Variants in TENM2 observed in about 807,000 individuals in gnomAD.
TENM2 encodes teneurin-2.
TENM2 carries 52 observed loss-of-function variants against 245.2 expected under a neutral mutation model. That is an observed-to-expected ratio of 0.21 (90% CI 0.17 to 0.27). TENM2 has a LOEUF of 0.27. Among genes scored for constraint, TENM2 ranks in the 10% least tolerant of loss-of-function variants. TENM2 has a pLI of 1.00. For missense variants in TENM2, 3,046 were observed against 3,666.8 expected, an observed-to-expected ratio of 0.83 and a Z score of 4.37; for synonymous variants, 1,363 against 1,438.9, an observed-to-expected ratio of 0.95 and a Z score of 1.19.
the TENM2 span, among the ~76,000 whole-genome samples, chr5:166,993,744 T>C: frequency 2.0e-5 from 3 of 152,230 alleles, no homozygotes; most frequent in African/African-American, 7.2e-5. Context: ...TTTAAAGTTA[T>C]GCCAGGTGAT....
intron 3 of TENM2, among the ~76,000 whole-genome samples, chr5:167,930,834 A>T (rs989647532): frequency 6.6e-6 from 1 of 152,118 alleles, no homozygotes; most frequent in Non-Finnish European, 1.5e-5. Flanking sequence ...GCATTAAATG[A>T]CATTTAAACT....
chr5:167,024,751 C>A, the TENM2 span, among the ~76,000 whole-genome samples: 3 of 152,176 alleles, frequency 2.0e-5, no homozygotes, highest in Non-Finnish European at 4.4e-5. Context: ...GAAGATGAAG[C>A]TGAGAGTTAA....
At chr5:168,197,821 CT>C (rs1761583750) in intron 15 of TENM2, among the ~76,000 whole-genome samples, 2 of 151,954 alleles carry the variant, frequency 1.3e-5, no homozygotes, top group African/African-American at 2.4e-5. Context: ...CTTTATTCTA[CT>C]TTACAGGTAA....
intron 2 of TENM2, among the ~76,000 whole-genome samples, chr5:167,856,070 A>G (rs1353600591): frequency 1.3e-5 from 2 of 152,178 alleles, no homozygotes; most frequent in Non-Finnish European, 2.9e-5. Flanking sequence ...ACAGTCACTT[A>G]TTTCGACTTC....
intron 9 of TENM2, among the ~76,000 whole-genome samples, chr5:168,112,930 G>A (rs1198774673): frequency 1.3e-5 from 2 of 152,174 alleles, no homozygotes; most frequent in Non-Finnish European, 2.9e-5. Context: ...TGACTAACTG[G>A]GATATAAGGC....
At chr5:167,721,738 G>T (rs1024233262) in intron 2 of TENM2, among the ~76,000 whole-genome samples, 1 of 152,158 alleles carries the variant, frequency 6.6e-6, no homozygotes, top group Non-Finnish European at 1.5e-5. Context: ...CATCTGGAAA[G>T]TCCCTTTTGC....
chr5:167,432,200 A>AAAAC (rs1764296066), intron 2 of TENM2, among the ~76,000 whole-genome samples: 1 of 151,548 alleles, frequency 6.6e-6, no homozygotes, highest in Admixed American at 6.6e-5. Context: ...TTACCTCCAT[A>AAAAC]AAACAGCTCA....
rs749016436 is a variant in TENM2, at chr5:167,470,454, C to CTTTTTTTTTTTTTTTTTTTTTT, written c.502+94982_502+95003dup. 2.2e-3 allele frequency among the ~76,000 whole-genome samples: 104 copies of CTTTTTTTTTTTTTTTTTTTTTT among 47,392 alleles called. 15 individuals carry two copies. The highest frequency in any genetic ancestry group is 5.6e-3 in the East Asian group (7 of 1,254). 31.1% of individuals were successfully genotyped at this position (47,392 alleles called of 152,430 possible). The stretch of plus-strand genomic sequence containing the variant: ...TACAGAGAGGTATGGGCAATGCTTG[C>CTTTTTTTTTTTTTTTTTTTTTT]TTTTTTTTTTTTTTTTTTTTTTGCT... On this transcript the variant is annotated intron_variant, in intron 2 of 28. Coordinates refer to ENST00000518659, the Ensembl canonical transcript of TENM2.
chr5:167,298,621 C>A (rs550682590), intron 1 of TENM2, among the ~76,000 whole-genome samples: 2 of 152,144 alleles, frequency 1.3e-5, no homozygotes, highest in African/African-American at 2.4e-5. Flanking sequence ...AACAAACAAA[C>A]AAAAAACCCA....
At chr5:168,227,545 C>CTAAAA (rs1764326093) in intron 24 of TENM2, among the ~76,000 whole-genome samples, 1 of 144,084 alleles carries the variant, frequency 6.9e-6, no homozygotes, top group South Asian at 2.2e-4. Flanking sequence ...CTGGTATAAG[C>CTAAAA]TAAAATATAT....
the TENM2 span, among the ~76,000 whole-genome samples, chr5:167,099,142 T>C: frequency 6.6e-6 from 1 of 152,238 alleles, no homozygotes; most frequent in Non-Finnish European, 1.5e-5. Context: ...TACCGCTTAC[T>C]AGCTGTGTAA....
intron 10 of TENM2, among the ~76,000 whole-genome samples, chr5:168,118,851 C>T (rs567688017): frequency 1.1e-4 from 16 of 152,186 alleles, no homozygotes; most frequent in Admixed American, 4.6e-4. Flanking sequence ...TCCTTTCCCT[C>T]GCCCTATCTT....
the TENM2 span, among the ~76,000 whole-genome samples, chr5:167,180,069 G>C: frequency 6.9e-6 from 1 of 145,488 alleles, no homozygotes; most frequent in Non-Finnish European, 1.5e-5. Context: ...CCCACCTTCC[G>C]TTCCTCTCCA....
intron 9 of TENM2, among the ~76,000 whole-genome samples, chr5:168,117,915 C>T (rs1451557220): frequency 6.6e-6 from 1 of 152,204 alleles, no homozygotes; most frequent in Non-Finnish European, 1.5e-5. Context: ...TGGTTCCCAG[C>T]CGGGCTCCCC....
intron 6 of TENM2, among the ~76,000 whole-genome samples, chr5:168,052,796 G>A (rs1375398104): frequency 2.0e-5 from 3 of 151,698 alleles, no homozygotes; most frequent in South Asian, 2.1e-4. Context: ...TTTGTGCCTG[G>A]AGCACATTTC....
chr5:167,494,227 A>T (rs941997077), intron 2 of TENM2, among the ~76,000 whole-genome samples: 2 of 152,144 alleles, frequency 1.3e-5, no homozygotes, highest in African/African-American at 4.8e-5. Flanking sequence ...ATCAAATGGA[A>T]GACAGCAACA....
At chr5:167,698,928 T>A (rs1246273224) in intron 2 of TENM2, among the ~76,000 whole-genome samples, 1 of 151,988 alleles carries the variant, frequency 6.6e-6, no homozygotes, top group East Asian at 1.9e-4. Flanking sequence ...GTGATCTGCC[T>A]GCCTCGGCCT....
intron 26 of TENM2, 113 bp from the exon 29 acceptor site, chr5:168,246,644 A>G: frequency 9.3e-7 from 1 of 1,074,296 alleles, no homozygotes; most frequent in East Asian, 2.4e-5. Context: ...TAAGCTTCCC[A>G]TCTTTCATGA....
At chr5:167,974,014 AG>A (rs1218417401) in intron 4 of TENM2, among the ~76,000 whole-genome samples, 1 of 65,834 alleles carries the variant, frequency 1.5e-5, no homozygotes, top group African/African-American at 1.1e-4. Flanking sequence ...GGAGGGAGGG[AG>A]GGAGGGAGGA....
Sources: allele counts gnomAD v4.1 joint callset (sites outside exome capture counted in the v4.1 genomes callset), GRCh38; gene constraint gnomAD v4.1.1; transcripts MANE v1.5; gene names NCBI Gene and HGNC (gene_info 2026-07-23, HGNC 2026-07-21).